The following KLF12 variants were observed in gnomAD, a reference collection of about 807,000 sequenced individuals.
KLF12 encodes the protein KLF transcription factor 12.
KLF12 carries 9 observed loss-of-function variants against 37.8 expected under a neutral mutation model. The ratio of observed to expected loss-of-function variants is 0.24; its 90% CI spans 0.14 to 0.42. KLF12 has a LOEUF of 0.42. Among genes scored for constraint, KLF12 ranks in the 10% least tolerant of loss-of-function variants. The pLI is 1.00. For missense variants in KLF12, 411 were observed against 516.0 expected (o/e 0.80, Z 1.97); for synonymous variants, 208 against 202.1 (o/e 1.03, Z -0.25).
chr13:73,934,355 G>A (rs1354921666), intron 3 of KLF12, among the ~76,000 whole-genome samples: 1 of 152,066 alleles, frequency 6.6e-6, no homozygotes, highest in African/African-American at 2.4e-5. Context: ...CCATAACCCT[G>A]TCCTGTGCTG....
At chr13:74,258,041 G>C in the KLF12 span, 5 of 151,882 alleles carry the variant, frequency 3.3e-5, no homozygotes, top group Non-Finnish European at 5.9e-5. Flanking sequence ...AAAAAAAAAC[G>C]TGGCAGGAGG....
At chr13:74,019,335 A>G (rs886213429) in intron 1 of KLF12, among the ~76,000 whole-genome samples, 1 of 152,232 alleles carries the variant, frequency 6.6e-6, no homozygotes, top group Non-Finnish European at 1.5e-5. Flanking sequence ...TCAACTATCC[A>G]TATGAAAACT....
intron 3 of KLF12, among the ~76,000 whole-genome samples, chr13:73,875,626 G>A (rs920769959): frequency 1.3e-5 from 2 of 152,076 alleles, no homozygotes; most frequent in Non-Finnish European, 1.5e-5. Flanking sequence ...TATTAAATGT[G>A]TTGTATAAAT....
chr13:74,197,418 G>T, the KLF12 span, among the ~76,000 whole-genome samples: 1 of 152,050 alleles, frequency 6.6e-6, no homozygotes, highest in East Asian at 1.9e-4. Flanking sequence ...TCAAGAGTGT[G>T]TAAGGATCAT....
At chr13:74,199,143 G>A in the KLF12 span, among the ~76,000 whole-genome samples, 14 of 152,254 alleles carry the variant, frequency 9.2e-5, no homozygotes, top group African/African-American at 3.1e-4. Context: ...AGTGCGGATC[G>A]AAAGGTCATT....
chr13:73,834,804 GC>G (rs1219697553), intron 4 of KLF12, among the ~76,000 whole-genome samples: 1 of 152,188 alleles, frequency 6.6e-6, no homozygotes, highest in Non-Finnish European at 1.5e-5. Flanking sequence ...GAGCCACTGT[GC>G]CTGGTCCATT....
intron 2 of KLF12, among the ~76,000 whole-genome samples, chr13:73,968,543 T>C (rs910473689): frequency 1.3e-5 from 2 of 152,194 alleles, no homozygotes; most frequent in African/African-American, 2.4e-5. Context: ...TCTTTCGTCG[T>C]CATCTATGCT....
At chr13:74,168,385 G>T in the KLF12 span, among the ~76,000 whole-genome samples, 1 of 152,108 alleles carries the variant, frequency 6.6e-6, no homozygotes, top group African/African-American at 2.4e-5. Context: ...ACTTTCTTTT[G>T]GCACAGGAGT....
chr13:74,215,459 A>T, the KLF12 span, among the ~76,000 whole-genome samples: 4 of 135,886 alleles, frequency 2.9e-5, no homozygotes, highest in African/African-American at 8.4e-5. Flanking sequence ...TTTTCCAGGA[A>T]CTGAAAGCTG....
At chr13:73,887,892 C>A (rs1216635305) in intron 3 of KLF12, among the ~76,000 whole-genome samples, 1 of 152,058 alleles carries the variant, frequency 6.6e-6, no homozygotes, top group Non-Finnish European at 1.5e-5. Flanking sequence ...GATTACATGA[C>A]AGGAAGTGAT....
At chr13:74,185,400 A>G in the KLF12 span, among the ~76,000 whole-genome samples, 3,373 of 152,278 alleles carry the variant, frequency 0.022, 126 homozygotes, top group African/African-American at 0.074. Flanking sequence ...TCGTTCATCA[A>G]CAACTATTTC....
At chr13:73,992,999 A>T (rs9543508) in intron 2 of KLF12, among the ~76,000 whole-genome samples, 5 of 152,194 alleles carry the variant, frequency 3.3e-5, no homozygotes, top group South Asian at 4.1e-4. Context: ...TGGGAGGCCA[A>T]GGTGGGAGGA....
intron 3 of KLF12, among the ~76,000 whole-genome samples, chr13:73,894,357 G>C (rs1241248706): frequency 2.6e-5 from 4 of 152,196 alleles, no homozygotes; most frequent in Non-Finnish European, 5.9e-5. Flanking sequence ...TGCCCTGTAA[G>C]TAAGATACAG....
chr13:73,759,676 G>A (rs1436985666), intron 6 of KLF12, among the ~76,000 whole-genome samples: 2 of 152,188 alleles, frequency 1.3e-5, no homozygotes, highest in East Asian at 1.9e-4. Context: ...AACAGGCACA[G>A]AGAGGCTTGG....
At chr13:74,030,884 G>A (rs78362449) in intron 1 of KLF12, among the ~76,000 whole-genome samples, 1,871 of 152,062 alleles carry the variant, frequency 0.012, 29 homozygotes, top group Non-Finnish European at 0.014. Flanking sequence ...AGAAACAAGT[G>A]GTTAAACTAA....
At chr13:74,154,367 C>CA in the KLF12 span, among the ~76,000 whole-genome samples, 4,387 of 152,158 alleles carry the variant, frequency 0.029, 211 homozygotes, top group African/African-American at 0.097. Context: ...CATCCCTAGA[C>CA]AAAAAAATTA....
chr13:74,096,609 T>C (rs1876000593), intron 1 of KLF12, among the ~76,000 whole-genome samples: 1 of 152,184 alleles, frequency 6.6e-6, no homozygotes, highest in South Asian at 2.1e-4. Flanking sequence ...TATTCATAAA[T>C]CATGTTTCTG....
the KLF12 span, among the ~76,000 whole-genome samples, chr13:74,230,073 A>G: frequency 6.6e-6 from 1 of 152,088 alleles, no homozygotes; most frequent in Non-Finnish European, 1.5e-5. Context: ...CTGTGTCCCC[A>G]CCCAAATCTC....
chr13:73,726,185 G>C (rs906847004), intron 6 of KLF12, among the ~76,000 whole-genome samples: 2 of 152,084 alleles, frequency 1.3e-5, no homozygotes, highest in African/African-American at 4.8e-5. Flanking sequence ...TTACTGAATG[G>C]AGTTTTCATG....
Sources: allele counts gnomAD v4.1 joint callset (sites outside exome capture counted in the v4.1 genomes callset), GRCh38; gene constraint gnomAD v4.1.1; transcripts MANE v1.5; gene names NCBI Gene and HGNC (gene_info 2026-07-23, HGNC 2026-07-21).